The following SSBP3 variants were observed in gnomAD, a reference collection of about 807,000 sequenced individuals.
SSBP3 encodes the protein single stranded DNA binding protein 3, also known as single-stranded DNA-binding protein 3.
SSBP3 carries 5 observed loss-of-function variants against 69.6 expected under a neutral mutation model. The observed-to-expected ratio is 0.07, with a 90% CI of 0.04 to 0.15. SSBP3 has a LOEUF of 0.15. Ranked by LOEUF, SSBP3 falls within the 10% of genes least tolerant of loss-of-function variation. The probability of loss-of-function intolerance (pLI) is 1.00; values close to 1 mark genes in which losing one functional copy is unlikely to be tolerated. For missense variants in SSBP3, 312 were observed against 534.0 expected (o/e 0.58, Z 4.10); for synonymous variants, 196 against 193.4 (o/e 1.01, Z -0.11).
At chr1:54,335,981 G>C (rs1427897102) in intron 4 of SSBP3, 1 of 152,300 alleles carries the variant, frequency 6.6e-6, no homozygotes, top group Non-Finnish European at 1.5e-5. Flanking sequence ...ACTGGAGCCA[G>C]AGAGATGGGC....
rs1009035259 is a variant in SSBP3, at chr1:54,258,679, C to T, written c.367-530G>A. ...AAGTGTCAGGGAGAGGCCCAGGCGA[C>T]GGGTTTCCTGGGGGCAGGAGGGCCG... On this transcript the variant is annotated intron_variant, in intron 5 of 17. Coordinates refer to ENST00000610401, the Ensembl canonical transcript of SSBP3. This position sits in a 1 kb window ranked among gnomAD's most constrained non-coding sequence, Gnocchi z 4.5. 2.6e-5 allele frequency among the ~76,000 whole-genome samples: 4 copies of T among 152,084 alleles called. No individual in the cohort carries two copies. The highest frequency in any genetic ancestry group is 1.5e-5 in the Non-Finnish European group (1 of 68,014).
In SSBP3 at chr1:54,258,639, G is replaced by C. The variant is rs118082101; in HGVS notation, c.367-490C>G. On this transcript the variant is annotated intron_variant, in intron 5 of 17. Transcript: ENST00000610401. The surrounding 1 kb of genome is among the most constrained non-coding windows in gnomAD (Gnocchi z 4.5). ...ACAGTGACACGGCTATGGGTGACTC[G>C]AGGCAGTACTGATCAAGTGTCAGGG... Among the ~76,000 whole-genome samples the C allele has an allele frequency of 2.5e-3, 377 of 152,254 alleles. 15 individuals carry two copies. The East Asian group carries it at 0.06, about 24-fold the overall frequency.
At chr1:54,366,261 T>A (rs1647028265) in intron 4 of SSBP3, among the ~76,000 whole-genome samples, 1 of 152,158 alleles carries the variant, frequency 6.6e-6, no homozygotes. Flanking sequence ...GAGTACTAAC[T>A]ATACCCATTC....
chr1:54,227,928 T>C (rs1644314802), intron 17 of SSBP3, among the ~76,000 whole-genome samples: 1 of 152,186 alleles, frequency 6.6e-6, no homozygotes, highest in African/African-American at 2.4e-5. Context: ...TGCACGAACC[T>C]TTCCCCACTG....
chr1:54,406,783 C>T (rs1649809590), upstream of SSBP3, among the ~76,000 whole-genome samples: 1 of 151,998 alleles, frequency 6.6e-6, no homozygotes, highest in African/African-American at 2.4e-5. Flanking sequence ...GGGGCGCAGA[C>T]CCCCAAGCGG....
chr1:54,388,610 C>T (rs1446577766), intron 4 of SSBP3, among the ~76,000 whole-genome samples: 1 of 152,176 alleles, frequency 6.6e-6, no homozygotes, highest in Non-Finnish European at 1.5e-5. Context: ...ACTCGCTGTC[C>T]AGTGATCCAT....
At chr1:54,314,057 C>T (rs1646053596) in intron 4 of SSBP3, among the ~76,000 whole-genome samples, 1 of 152,220 alleles carries the variant, frequency 6.6e-6, no homozygotes. Context: ...AGCCACTGCT[C>T]CCAGCCAGAT....
chr1:54,350,009 T>C (rs923367108), intron 4 of SSBP3, among the ~76,000 whole-genome samples: 7 of 152,154 alleles, frequency 4.6e-5, no homozygotes, highest in Non-Finnish European at 1.0e-4. Flanking sequence ...CCCTGGGTAC[T>C]TAACCAGAAA....
At chr1:54,251,371 C>A (rs1644825427) in intron 9 of SSBP3, among the ~76,000 whole-genome samples, 1 of 152,232 alleles carries the variant, frequency 6.6e-6, no homozygotes, top group Non-Finnish European at 1.5e-5. Context: ...CCTCAGCTGT[C>A]CCCTTTTTCC....
chr1:54,317,599 T>C (rs1211790840), intron 4 of SSBP3, among the ~76,000 whole-genome samples: 3 of 152,008 alleles, frequency 2.0e-5, no homozygotes, highest in East Asian at 3.9e-4. Context: ...CACAAAAAAA[T>C]GTGTAGACCT....
intron 5 of SSBP3, among the ~76,000 whole-genome samples, chr1:54,259,047 T>C (rs1204534623): frequency 1.3e-5 from 2 of 151,888 alleles, no homozygotes; most frequent in African/African-American, 4.8e-5. Flanking sequence ...GGGAAGTGCA[T>C]GAAGGGTGGG....
At chr1:54,226,835 C>G in exon 18 of SSBP3, 1 of 402,154 alleles carries the variant, frequency 2.5e-6, no homozygotes, top group Non-Finnish European at 4.7e-6. Flanking sequence ...GTGTCATGTA[C>G]AGAAAAGGTC....
At chr1:54,253,580 G>C (rs528063923) in intron 7 of SSBP3, among the ~76,000 whole-genome samples, 1 of 152,074 alleles carries the variant, frequency 6.6e-6, no homozygotes, top group Non-Finnish European at 1.5e-5. Flanking sequence ...TAGTTGTTCC[G>C]GCCTCTCACT....
intron 4 of SSBP3, among the ~76,000 whole-genome samples, chr1:54,317,337 G>C (rs558480237): frequency 2.7e-4 from 41 of 152,288 alleles, no homozygotes; most frequent in African/African-American, 8.9e-4. Flanking sequence ...AGGAGTTTGA[G>C]ACCAGTCTGG....
intron 4 of SSBP3, among the ~76,000 whole-genome samples, chr1:54,365,994 T>C (rs372970304): frequency 2.0e-4 from 30 of 152,288 alleles, no homozygotes; most frequent in East Asian, 1.4e-3. Context: ...GTTACTGATA[T>C]GGGCTAAATT....
intron 1 of SSBP3, among the ~76,000 whole-genome samples, chr1:54,412,510 A>T (rs953932543): frequency 1.3e-5 from 2 of 152,124 alleles, no homozygotes; most frequent in African/African-American, 4.8e-5. Context: ...AGAGAGACAG[A>T]GTAGAAAGGT....
intron 4 of SSBP3, among the ~76,000 whole-genome samples, chr1:54,348,745 C>A (rs1003782993): frequency 1.3e-5 from 2 of 152,218 alleles, no homozygotes; most frequent in Non-Finnish European, 2.9e-5. Context: ...CTCACTTCCC[C>A]ACCATAGATA....
chr1:54,363,475 G>A (rs902886477), intron 4 of SSBP3, among the ~76,000 whole-genome samples: 1 of 152,038 alleles, frequency 6.6e-6, no homozygotes, highest in South Asian at 2.1e-4. Context: ...ATGCCACATC[G>A]GACAGTTATA....
intron 13 of SSBP3, among the ~76,000 whole-genome samples, chr1:54,240,089 CG>C (rs1644592090): frequency 2.4e-5 from 1 of 42,014 alleles, no homozygotes; most frequent in South Asian, 1.2e-3. Context: ...TGTGTGTGTG[CG>C]CGCGCGCGCG....
Sources: gnomAD v4.1 joint callset for allele counts (sites outside exome capture counted in the v4.1 genomes callset) on GRCh38, gnomAD v4.1.1 for gene constraint, Gnocchi (gnomAD v3.1) non-coding constraint, MANE v1.5 for transcripts, NCBI Gene and HGNC (gene_info 2026-07-23, HGNC 2026-07-21) for gene names.